Variants in ABCC11 observed in about 807,000 individuals in gnomAD.
The protein encoded by ABCC11 is ATP-binding cassette sub-family C member 11.
ABCC11 carries 135 observed loss-of-function variants against 149.3 expected under a neutral mutation model. That is an observed-to-expected ratio of 0.90 (90% CI 0.79 to 1.04). The LOEUF (loss-of-function observed/expected upper bound fraction) is 1.04. Ranked by LOEUF, ABCC11 falls within the 50% of genes least tolerant of loss-of-function variation. The probability of loss-of-function intolerance (pLI) is 0.00; values close to 1 mark genes in which losing one functional copy is unlikely to be tolerated. For missense variants in ABCC11, 1,680 were observed against 1,722.1 expected (o/e 0.98, Z 0.43); for synonymous variants, 665 against 671.4 (o/e 0.99, Z 0.15).
rs997076242 is a variant in ABCC11 at position 48,240,914 on chromosome 16, A to G, written c.-19+6400T>C. Among the ~76,000 whole-genome samples the G allele has an allele frequency of 8.3e-4, 126 of 152,016 alleles. 7 individuals carry two copies. The highest frequency in any genetic ancestry group is 2.9e-5 in the Non-Finnish European group (2 of 67,970). On this transcript the variant is annotated intron_variant, in intron 1 of 29. Transcript: ENST00000356608. ...TTAATAAGACATTTCACCATCATAT[A>G]TCACATGGCCACAGCATCACTTTTT...
chr16:48,211,033 G>C lies in ABCC11; in HGVS notation c.1523C>G (p.Thr508Ser), dbSNP rs762043436. The C allele has an allele frequency of 6.2e-7, 1 of 1,614,184 alleles. No individual in the cohort carries two copies. The highest frequency in any genetic ancestry group is 2.2e-5 in the East Asian group (1 of 44,882). The change falls in exon 11 of 30, where the codon ACC becomes AGC. Residue 508 changes from threonine to serine, a missense_variant. Physicochemically the swap from Thr to Ser is moderately conservative, Grantham distance 58. Transcript: ENST00000356608. ...TGGCCCGAGGGCATCTCTAGGCCTG[G>C]TCATCCCCTCAGAAGCATGCCCGTT... is the stretch of plus-strand genomic sequence containing the variant. ...ERNGHASEGMTRPRDALGPEE... is the reference protein window; with the variant it reads ...ERNGHASEGMSRPRDALGPEE...
At chr16:48,203,956 A>T (rs1456932644) in intron 13 of ABCC11, among the ~76,000 whole-genome samples, 1 of 152,214 alleles carries the variant, frequency 6.6e-6, no homozygotes, top group African/African-American at 2.4e-5. Flanking sequence ...ATGGTACTGC[A>T]TGTATAGGTT....
chr16:48,182,738 G>C (rs1053854838), intron 23 of ABCC11, among the ~76,000 whole-genome samples: 3 of 148,552 alleles, frequency 2.0e-5, no homozygotes, highest in African/African-American at 7.5e-5. Flanking sequence ...AGCCGAGATC[G>C]CATCACTGCA....
At position 48,210,979 on chromosome 16, in the gene ABCC11, T is replaced by C; in HGVS notation, c.1577A>G (p.Glu526Gly). 6.2e-7 allele frequency: 1 copy of C among 1,614,164 alleles called. No homozygotes were observed. Among genetic ancestry groups the C allele is most frequent in the Middle Eastern group, 1.6e-4 (1 of 6,062 alleles). The change falls in exon 11 of 30, where the codon GAG becomes GGG. Residue 526 changes from glutamate to glycine, a missense_variant. By Grantham distance (98) the Glu-to-Gly change is moderately conservative. Coordinates refer to ENST00000356608, the MANE Select transcript of ABCC11 (RefSeq NM_001370497.1). ...PEEEGNSLGP[E>G]LHKINLVVSK... ...CACCACCAGGTTGATCTTGTGCAAC[T>C]CTGGGCCCAGGCTGTTCCCTTCTTC...
At chr16:48,244,666 C>T in intron 1 of ABCC11, 1 of 1,279,502 alleles carries the variant, frequency 7.8e-7, no homozygotes, top group East Asian at 3.2e-5. Context: ...GCGCGGCCTC[C>T]TCCGGGGACC....
At chr16:48,215,157 C>G (rs1255906007) in intron 8 of ABCC11, 40 bp downstream of exon 8, 1 of 1,597,416 alleles carries the variant, frequency 6.3e-7, no homozygotes. Context: ...GCTTACCATG[C>G]CATCACCAGG....
rs532775613 is a variant in ABCC11, at chr16:48,212,223, T to C, written c.1357-1024A>G. Among the ~76,000 whole-genome samples, 8 of 152,262 alleles carry C rather than the reference T, an allele frequency of 5.3e-5. No homozygotes were observed. The East Asian group carries it at 1.5e-3, about 29-fold the overall frequency. ...AGCCTCAGGGCTTTCACACTTGCTG[T>C]TTCCTCAGCCTGGTCATCATCACTC... On this transcript the variant is annotated intron_variant, in intron 10 of 29. Transcript: ENST00000356608.
At chr16:48,241,812 T>C (rs1391652568) in intron 1 of ABCC11, among the ~76,000 whole-genome samples, 3 of 152,206 alleles carry the variant, frequency 2.0e-5, no homozygotes, top group Non-Finnish European at 4.4e-5. Context: ...CCCTATTTAA[T>C]AAATGGTGCT....
At position 48,175,304 on chromosome 16, in the gene ABCC11, G is replaced by C. The variant is rs202061562; in HGVS notation, c.3652C>G (p.Leu1218Val). ...ACTGGATCTTGAGGGATCACTGAGA[G>C]CTTGGACCGCAAGTCCTCCAGGCCG... is the stretch of plus-strand genomic sequence containing the variant. ...SIGLEDLRSK[L>V]SVIPQDPVLL... is the part of the protein sequence containing the mutation. The change falls in exon 26 of 30, where the codon CTC becomes GTC. Residue 1218 changes from leucine to valine, a missense_variant. Physicochemically the swap from Leu to Val is conservative, Grantham distance 32. Transcript: ENST00000356608. The C allele has an allele frequency of 9.5e-5, 154 of 1,614,010 alleles. No homozygotes were observed. Among genetic ancestry groups the C allele is most frequent in the Non-Finnish European group, 1.3e-4 (148 of 1,179,964 alleles).
At chr16:48,222,044 A>G (rs908158415) in intron 6 of ABCC11, among the ~76,000 whole-genome samples, 7 of 150,930 alleles carry the variant, frequency 4.6e-5, no homozygotes, top group Non-Finnish European at 1.0e-4. Flanking sequence ...CCTCCTGAGT[A>G]GCTGGGTCTA....
rs2150701731 is a variant in ABCC11 at position 48,167,736 on chromosome 16, A to G, written c.3892-76T>C. ...CTGGGTCTAGCCCTGGTTTACCACT[A>G]ATTCACCAGGGCCCTTCCTCTCCAG... On this transcript the variant is annotated intron_variant, in intron 28 of 29. Coordinates refer to ENST00000356608, the MANE Select transcript of ABCC11 (RefSeq NM_001370497.1). 3 of 1,502,916 alleles carry G rather than the reference A, an allele frequency of 2.0e-6. No individual in the cohort carries two copies. The East Asian group carries it at 6.8e-5, about 34-fold the overall frequency. The allele number at this position is 1,502,916 out of a possible 1,614,324, so 93.1% of individuals were successfully genotyped here. A position where few individuals can be genotyped will look rare whatever the true frequency, so the allele number is the denominator to read the frequency against.
chr16:48,222,043 T>G (rs1211169193), intron 6 of ABCC11, among the ~76,000 whole-genome samples: 1 of 151,400 alleles, frequency 6.6e-6, no homozygotes, highest in Admixed American at 6.6e-5. Context: ...GCCTCCTGAG[T>G]AGCTGGGTCT....
intron 14 of ABCC11, among the ~76,000 whole-genome samples, chr16:48,202,140 G>T (rs117786607): frequency 2.0e-5 from 3 of 152,028 alleles, no homozygotes; most frequent in African/African-American, 7.2e-5. Flanking sequence ...ACTCTAGGCC[G>T]GGCACTAGTC....
chr16:48,189,360 T>C (rs952119612), intron 20 of ABCC11, among the ~76,000 whole-genome samples: 1 of 152,172 alleles, frequency 6.6e-6, no homozygotes, highest in Non-Finnish European at 1.5e-5. Context: ...AAAGGGAAAA[T>C]GGTTTCAGTT....
In ABCC11 at chr16:48,216,096, G is replaced by A; in HGVS notation, c.951+18C>T. On this transcript the variant is annotated intron_variant, in intron 7 of 29. Coordinates refer to ENST00000356608, the MANE Select transcript of ABCC11 (RefSeq NM_001370497.1). ...TTCTGGGGCCCAGCATCAAATGGGTGACAGAGAAAGACATTACCGCCAGTG... is the reference window on the plus strand; with the variant it reads ...TTCTGGGGCCCAGCATCAAATGGGTAACAGAGAAAGACATTACCGCCAGTG... 6.2e-7 allele frequency: 1 copy of A among 1,611,444 alleles called. No individual in the cohort carries two copies. Among genetic ancestry groups the A allele is most frequent in the Non-Finnish European group, 8.5e-7 (1 of 1,178,500 alleles).
At chr16:48,178,332 A>T (rs1966216448) in intron 24 of ABCC11, among the ~76,000 whole-genome samples, 1 of 152,192 alleles carries the variant, frequency 6.6e-6, no homozygotes, top group Non-Finnish European at 1.5e-5. Context: ...GCACTGGGCA[A>T]ACCTCTCATT....
Position 48,224,330 on chromosome 16 carries a change from G to A in ABCC11, c.495C>T (p.Phe165=), listed in dbSNP as rs779688914. 3.0e-5 allele frequency: 48 copies of A among 1,614,008 alleles called. No homozygotes were observed. Among genetic ancestry groups the A allele is most frequent in the South Asian group, 2.6e-4 (24 of 91,076 alleles). Residue 165 remains phenylalanine (F), a synonymous_variant, in exon 5 of 30, where the codon TTC becomes TTT. Transcript: ENST00000356608. ...AGAAGCAGATGCCCAGAAGTGCATC[G>A]AAAATCAACCTTGTTCTCTGGAACC... ...MLRFQRTRLI[F]DALLGICFCI... is the part of the protein sequence containing the mutation.
chr16:48,186,066 T>C (rs974543444), intron 22 of ABCC11, among the ~76,000 whole-genome samples: 6 of 152,186 alleles, frequency 3.9e-5, no homozygotes, highest in African/African-American at 7.2e-5. Flanking sequence ...GGGTTCTCAG[T>C]GTGGGCTGAA....
rs1277897786 is a variant in ABCC11, at chr16:48,186,942, G to A, written c.3071+11C>T. On this transcript the variant is annotated intron_variant, in intron 22 of 29. Coordinates refer to ENST00000356608, the MANE Select transcript of ABCC11 (RefSeq NM_001370497.1). ...GTTCCATCATTCTCAAATGGCAGCA[G>A]AAGGACTCACTGGCTGATGAAGTCT... 7 of 1,613,900 alleles carry A rather than the reference G, an allele frequency of 4.3e-6. No individual in the cohort carries two copies. In the African/African-American group the frequency reaches 8.0e-5, roughly 18 times the overall value.
Sources: allele counts gnomAD v4.1 joint callset (sites outside exome capture counted in the v4.1 genomes callset), GRCh38; gene constraint gnomAD v4.1.1; transcripts MANE v1.5; gene names NCBI Gene and HGNC (gene_info 2026-07-23, HGNC 2026-07-21).